Variants in EML6 observed in about 807,000 individuals in gnomAD.
The protein encoded by EML6 is EMAP like 6, also known as echinoderm microtubule-associated protein-like 6.
In EML6, 154 loss-of-function variants were observed where a neutral mutation model predicts 240.1. That is an observed-to-expected ratio of 0.64 (90% CI 0.56 to 0.73). EML6 has a LOEUF of 0.73. EML6 is among the 30% of genes least tolerant of loss of function. EML6 has a pLI of 0.00. For missense variants in EML6, 2,964 were observed against 2,474.6 expected (o/e 1.20, Z -4.20); for synonymous variants, 1,148 against 899.0 (o/e 1.28, Z -4.95).
intron 2 of EML6, among the ~76,000 whole-genome samples, chr2:54,744,141 G>A (rs2103663949): frequency 6.7e-6 from 1 of 148,884 alleles, no homozygotes; most frequent in African/African-American, 2.5e-5. Context: ...GGGGGGTGGG[G>A]GGAATCTAGA....
chr2:54,885,847 G>A (rs915046963), intron 17 of EML6, among the ~76,000 whole-genome samples: 12 of 151,992 alleles, frequency 7.9e-5, no homozygotes, highest in Non-Finnish European at 1.5e-4. Context: ...TCCTGACCTC[G>A]TGATCCCCCT....
intron 2 of EML6, among the ~76,000 whole-genome samples, chr2:54,734,965 TC>T (rs1453762679): frequency 1.3e-5 from 2 of 152,174 alleles, no homozygotes; most frequent in African/African-American, 4.8e-5. Context: ...CAGCCTGATG[TC>T]CCTCCCTGTC....
rs978388039 is a variant in EML6 at position 54,853,794 on chromosome 2, G to C, written c.1596G>C (p.Val532=). Reference sequence around the variant, plus strand: ...TGGATGCGAATTACAACAGCTCAGTGCTGGTGTCTGGAGATGATTTTGGAC... The same window carrying C: ...TGGATGCGAATTACAACAGCTCAGTCCTGGTGTCTGGAGATGATTTTGGAC... ...NSVDANYNSS[V]LVSGDDFGLV... The change falls in exon 11 of 42, where the codon GTG becomes GTC. Residue 532 remains valine, a synonymous_variant. Coordinates refer to ENST00000356458, the MANE Select transcript of EML6 (RefSeq NM_001039753.4). 1 of 1,551,488 alleles carries C rather than the reference G, an allele frequency of 6.4e-7. No individual in the cohort carries two copies. Among genetic ancestry groups the C allele is most frequent in the African/African-American group, 1.4e-5 (1 of 73,040 alleles).
chr2:54,811,138 C>G (rs1667822319), intron 2 of EML6, among the ~76,000 whole-genome samples: 1 of 152,120 alleles, frequency 6.6e-6, no homozygotes, highest in South Asian at 2.1e-4. Context: ...TCCCTGGTCC[C>G]TAACTGACCA....
At chr2:54,964,520 A>G (rs920064868) in intron 37 of EML6, 51 bp from the exon 38 acceptor site, 67 of 1,528,758 alleles carry the variant, frequency 4.4e-5, no homozygotes, top group Non-Finnish European at 5.9e-5. Flanking sequence ...GTGCCTGACC[A>G]GCCCCAAACA....
chr2:54,789,408 G>A (rs1371777442), intron 2 of EML6, among the ~76,000 whole-genome samples: 1 of 149,842 alleles, frequency 6.7e-6, no homozygotes, highest in Non-Finnish European at 1.5e-5. Context: ...CAGCTACTCG[G>A]GAGGCTGAGG....
intron 17 of EML6, chr2:54,880,135 A>AT (rs947226000): frequency 1.3e-4 from 20 of 153,744 alleles, no homozygotes; most frequent in Non-Finnish European, 2.7e-4. Flanking sequence ...TTATAAATAG[A>AT]TTTTTTGAGA....
chr2:54,864,725 G>A (rs543538769), intron 13 of EML6, among the ~76,000 whole-genome samples: 53 of 152,342 alleles, frequency 3.5e-4, no homozygotes, highest in African/African-American at 1.3e-3. Flanking sequence ...ACTTGCCCAT[G>A]TCCACGTTGC....
chr2:54,739,633 G>A (rs901378491), intron 2 of EML6, among the ~76,000 whole-genome samples: 3 of 152,196 alleles, frequency 2.0e-5, no homozygotes, highest in Admixed American at 6.5e-5. Context: ...TTGCAGTCAC[G>A]AGGGCAGGAG....
At chr2:54,828,202 T>C (rs1294431008) in intron 6 of EML6, among the ~76,000 whole-genome samples, 1 of 152,200 alleles carries the variant, frequency 6.6e-6, no homozygotes, top group African/African-American at 2.4e-5. Context: ...AAGATAGATT[T>C]TCCTCATTCT....
intron 2 of EML6, among the ~76,000 whole-genome samples, chr2:54,807,770 A>G (rs944178447): frequency 2.0e-5 from 3 of 152,230 alleles, no homozygotes; most frequent in African/African-American, 7.2e-5. Flanking sequence ...GTAAATCAAT[A>G]TAATACCTAA....
chr2:54,927,088 G>A (rs145742106), intron 26 of EML6, among the ~76,000 whole-genome samples: 231 of 152,266 alleles, frequency 1.5e-3, no homozygotes, highest in African/African-American at 5.4e-3. Context: ...GTTCAAATGG[G>A]TTTTTCTTGG....
At position 54,853,137 on chromosome 2, in the gene EML6, AT is replaced by A. The variant is rs574392432; in HGVS notation, c.1445-505del. ...CATCACTTCTGAGCATCCTTAAATTATGAAAAATAGAAGTTCAGGATGAACT... is the reference window on the plus strand; with the variant it reads ...CATCACTTCTGAGCATCCTTAAATTAGAAAAATAGAAGTTCAGGATGAACT... On this transcript the variant is annotated intron_variant, in intron 10 of 41. Transcript: ENST00000356458. Among the ~76,000 whole-genome samples the A allele has an allele frequency of 7.9e-5, 12 of 152,322 alleles. No individual in the cohort carries two copies. The South Asian group carries it at 2.5e-3, about 32-fold the overall frequency.
At chr2:54,796,785 C>G (rs1474109342) in intron 2 of EML6, among the ~76,000 whole-genome samples, 1 of 151,996 alleles carries the variant, frequency 6.6e-6, no homozygotes, top group Admixed American at 6.5e-5. Flanking sequence ...ATGCATAGAA[C>G]AAACCGTTTT....
intron 28 of EML6, among the ~76,000 whole-genome samples, chr2:54,940,952 T>C (rs948498554): frequency 2.0e-5 from 3 of 152,190 alleles, no homozygotes; most frequent in Non-Finnish European, 2.9e-5. Context: ...AGGTTTACAA[T>C]GAAACAAAGA....
intron 24 of EML6, among the ~76,000 whole-genome samples, chr2:54,905,891 A>C (rs549880719): frequency 1.3e-5 from 2 of 151,538 alleles, no homozygotes; most frequent in South Asian, 4.2e-4. Context: ...TGAATGTTTA[A>C]TTTTATGTAT....
At chr2:54,926,642 C>A (rs1345830289) in intron 26 of EML6, among the ~76,000 whole-genome samples, 1 of 152,206 alleles carries the variant, frequency 6.6e-6, no homozygotes, top group Non-Finnish European at 1.5e-5. Context: ...TTCGCAGAAC[C>A]TTCTAGCAAC....
intron 22 of EML6, among the ~76,000 whole-genome samples, chr2:54,900,320 C>G (rs981344594): frequency 2.6e-5 from 4 of 152,172 alleles, no homozygotes; most frequent in South Asian, 2.1e-4. Context: ...GGTCCCATCT[C>G]TAGTGTCAGA....
chr2:54,806,791 C>T (rs2104004803), intron 2 of EML6, among the ~76,000 whole-genome samples: 1 of 152,044 alleles, frequency 6.6e-6, no homozygotes, highest in East Asian at 1.9e-4. Context: ...ACTCATAGTA[C>T]CTACTTTCTT....
Sources: allele counts gnomAD v4.1 joint callset (sites outside exome capture counted in the v4.1 genomes callset), GRCh38; gene constraint gnomAD v4.1.1; transcripts MANE v1.5; gene names NCBI Gene and HGNC (gene_info 2026-07-23, HGNC 2026-07-21).